FBXO8: variants seen among roughly 807,000 people sequenced by gnomAD.
The protein encoded by FBXO8 is F-box protein 8.
A neutral mutation model predicts 33.4 loss-of-function variants in FBXO8; 15 were observed. The ratio of observed to expected loss-of-function variants is 0.45; its 90% CI spans 0.30 to 0.69. The LOEUF is 0.69. FBXO8 is among the 30% of genes least tolerant of loss of function. The pLI, the probability that FBXO8 is intolerant of heterozygous loss-of-function variation, is 0.08. For synonymous variants in FBXO8, 132 were observed against 131.5 expected (o/e 1.00, Z -0.02); for missense variants, 274 against 380.3 (o/e 0.72, Z 2.32).
Position 174,252,737 on chromosome 4 carries a change from A to C in FBXO8, c.456+6962T>G, listed in dbSNP as rs1736323946. Among the ~76,000 whole-genome samples, 1 of 149,162 alleles carries C rather than the reference A, an allele frequency of 6.7e-6. No homozygotes were observed. The highest frequency in any genetic ancestry group is 1.5e-5 in the Non-Finnish European group (1 of 67,980). ...AAACCTAAAAAATAGGCTAGGTATG[A>C]TGACTCATTCCTGTAATTCCAGCAC... On this transcript the variant is annotated intron_variant, in intron 3 of 5. Transcript: ENST00000393674. The surrounding 1 kb of genome is among the most constrained non-coding windows in gnomAD (Gnocchi z 5.1).
In FBXO8 at chr4:174,265,729, G is replaced by A. The variant is rs114303553; in HGVS notation, c.-8-2629C>T. ...TGTCAACAAAAAATTATAAGTACAA[G>A]TTTTATATTTGTTTAAATGTACCAT... is the stretch of plus-strand genomic sequence containing the variant. On this transcript the variant is annotated intron_variant, in intron 1 of 5. Coordinates refer to ENST00000393674, the MANE Select transcript of FBXO8 (RefSeq NM_012180.3). This position sits in a 1 kb window ranked among gnomAD's most constrained non-coding sequence, Gnocchi z 4.7. Among the ~76,000 whole-genome samples the A allele has an allele frequency of 0.013, 1,978 of 152,164 alleles. 36 individuals carry two copies. The highest frequency in any genetic ancestry group is 0.044 in the African/African-American group (1,821 of 41,524).
Position 174,241,267 on chromosome 4 carries a change from G to T in FBXO8, c.457-49C>A, listed in dbSNP as rs1431600118. ...ATAAATAAAATTGCTCTTTATTTATGCATTTTAACAATTAAGCAATAGCAC... is the reference window on the plus strand; with the variant it reads ...ATAAATAAAATTGCTCTTTATTTATTCATTTTAACAATTAAGCAATAGCAC... On this transcript the variant is annotated intron_variant, in intron 3 of 5. Coordinates refer to ENST00000393674, the MANE Select transcript of FBXO8 (RefSeq NM_012180.3). The surrounding 1 kb of genome is among the most constrained non-coding windows in gnomAD (Gnocchi z 4.2). The T allele has an allele frequency of 2.6e-6, 3 of 1,134,926 alleles. No individual in the cohort carries two copies. Among genetic ancestry groups the T allele is most frequent in the Non-Finnish European group, 3.9e-6 (3 of 771,126 alleles). 70.3% of individuals were successfully genotyped at this position (1,134,926 alleles called of 1,614,324 possible). A position where few individuals can be genotyped will look rare whatever the true frequency, so the allele number is the denominator to read the frequency against.
rs1341189234 is a variant in FBXO8, at chr4:174,281,157, G to T, written c.-9+2253C>A. On this transcript the variant is annotated intron_variant, in intron 1 of 5. Transcript: ENST00000393674. The surrounding 1 kb of genome is among the most constrained non-coding windows in gnomAD (Gnocchi z 4.6). Reference sequence around the variant, plus strand: ...AAAGAAGAGATGATGGCGTGCGTGTGTGTGTATTTAACATCTGTCCTTTCC... The same window carrying T: ...AAAGAAGAGATGATGGCGTGCGTGTTTGTGTATTTAACATCTGTCCTTTCC... Among the ~76,000 whole-genome samples the T allele has an allele frequency of 1.3e-5, 2 of 152,180 alleles. No homozygotes were observed.
intron 2 of FBXO8, among the ~76,000 whole-genome samples, chr4:174,260,624 T>A (rs1157230368): frequency 2.0e-5 from 3 of 151,988 alleles, no homozygotes; most frequent in Admixed American, 6.6e-5. Flanking sequence ...AGTTCATATC[T>A]CAAAACACAC....
At chr4:174,268,489 G>A (rs1158633598) in intron 1 of FBXO8, among the ~76,000 whole-genome samples, 5 of 152,166 alleles carry the variant, frequency 3.3e-5, no homozygotes, top group African/African-American at 9.7e-5. Context: ...CTGGAGTGCA[G>A]TGGCGCGATC....
In FBXO8 at chr4:174,255,643, G is replaced by A. The variant is rs1380943927; in HGVS notation, c.456+4056C>T. Among the ~76,000 whole-genome samples the A allele has an allele frequency of 6.7e-6, 1 of 148,336 alleles. No individual in the cohort carries two copies. The highest frequency in any genetic ancestry group is 2.5e-5 in the African/African-American group (1 of 40,294). ...AATGAGGATATTTAAAACAAAAACT[G>A]TTTAAAAACACAATTACACAAACAA... is the stretch of plus-strand genomic sequence containing the variant. On this transcript the variant is annotated intron_variant, in intron 3 of 5. Coordinates refer to ENST00000393674, the MANE Select transcript of FBXO8 (RefSeq NM_012180.3). The surrounding 1 kb of genome is among the most constrained non-coding windows in gnomAD (Gnocchi z 4.3).
At position 174,265,987 on chromosome 4, in the gene FBXO8, T is replaced by C. The variant is rs1028085382; in HGVS notation, c.-8-2887A>G. Among the ~76,000 whole-genome samples, 2 of 152,212 alleles carry C rather than the reference T, an allele frequency of 1.3e-5. No individual in the cohort carries two copies. Among genetic ancestry groups the C allele is most frequent in the African/African-American group, 2.4e-5 (1 of 41,450 alleles). ...ACCACTAAAGGTAAATTATCAAACA[T>C]GGTAACTGCAGTATCTGAAGTCTCA... On this transcript the variant is annotated intron_variant, in intron 1 of 5. Transcript: ENST00000393674. The surrounding 1 kb of genome is among the most constrained non-coding windows in gnomAD (Gnocchi z 4.7).
In FBXO8 at chr4:174,261,260, T is replaced by C. The variant is rs1211868853; in HGVS notation, c.330-1435A>G. 6.6e-6 allele frequency among the ~76,000 whole-genome samples: 1 copy of C among 151,910 alleles called. No homozygotes were observed. Among genetic ancestry groups the C allele is most frequent in the Non-Finnish European group, 1.5e-5 (1 of 67,848 alleles). On this transcript the variant is annotated intron_variant, in intron 2 of 5. Transcript: ENST00000393674. This position sits in a 1 kb window ranked among gnomAD's most constrained non-coding sequence, Gnocchi z 4.1. ...CCAACATCAATGAGTATTCAATACA[T>C]CCAAAGTTGAAATTAAAACTAAGCC...
intron 1 of FBXO8, among the ~76,000 whole-genome samples, chr4:174,280,636 A>G (rs1737062231): frequency 6.6e-6 from 1 of 152,192 alleles, no homozygotes; most frequent in Non-Finnish European, 1.5e-5. Flanking sequence ...TGACACATAT[A>G]AGGGAATGTT....
rs992429826 is a variant in FBXO8, at chr4:174,272,468, G to A, written c.-8-9368C>T. ...TTTTTTCCAAATAGTTTCAATTGTGGTTGGATGACACTGGATGCAGATCCA... is the reference window on the plus strand; with the variant it reads ...TTTTTTCCAAATAGTTTCAATTGTGATTGGATGACACTGGATGCAGATCCA... On this transcript the variant is annotated intron_variant, in intron 1 of 5. Coordinates refer to ENST00000393674, the MANE Select transcript of FBXO8 (RefSeq NM_012180.3). This position sits in a 1 kb window ranked among gnomAD's most constrained non-coding sequence, Gnocchi z 4.7. Among the ~76,000 whole-genome samples the A allele has an allele frequency of 1.3e-4, 20 of 152,052 alleles. No individual in the cohort carries two copies. The highest frequency in any genetic ancestry group is 1.3e-3 in the Admixed American group (20 of 15,268).
chr4:174,239,554 A>G (rs1292083352), intron 4 of FBXO8, among the ~76,000 whole-genome samples: 1 of 151,966 alleles, frequency 6.6e-6, no homozygotes, highest in East Asian at 1.9e-4. Context: ...AAATTATGAA[A>G]GTAATGACAG....
chr4:174,243,773 T>C (rs1736098848), intron 3 of FBXO8, among the ~76,000 whole-genome samples: 1 of 151,192 alleles, frequency 6.6e-6, no homozygotes, highest in Non-Finnish European at 1.5e-5. Flanking sequence ...TGGACATCTG[T>C]GCAGTGTCTC....
rs1377543840 is a variant in FBXO8 at position 174,262,335 on chromosome 4, G to A, written c.329+429C>T. ...CTCTATATGAAGAAAATTAAAAACAGTAACATTTGAGGACTATTCATTGAT... is the reference window on the plus strand; with the variant it reads ...CTCTATATGAAGAAAATTAAAAACAATAACATTTGAGGACTATTCATTGAT... On this transcript the variant is annotated intron_variant, in intron 2 of 5. Transcript: ENST00000393674. The surrounding 1 kb of genome is among the most constrained non-coding windows in gnomAD (Gnocchi z 4.6). 6.6e-6 allele frequency among the ~76,000 whole-genome samples: 1 copy of A among 151,954 alleles called. No homozygotes were observed. Among genetic ancestry groups the A allele is most frequent in the Non-Finnish European group, 1.5e-5 (1 of 68,000 alleles).
chr4:174,254,011 A>G lies in FBXO8; in HGVS notation c.456+5688T>C, dbSNP rs1736359374. Among the ~76,000 whole-genome samples, 1 of 152,192 alleles carries G rather than the reference A, an allele frequency of 6.6e-6. No homozygotes were observed. The highest frequency in any genetic ancestry group is 2.4e-5 in the African/African-American group (1 of 41,454). On this transcript the variant is annotated intron_variant, in intron 3 of 5. Coordinates refer to ENST00000393674, the MANE Select transcript of FBXO8 (RefSeq NM_012180.3). The surrounding 1 kb of genome is among the most constrained non-coding windows in gnomAD (Gnocchi z 4.2). ...ATACCTGCATCCAGGACTCTTTTGA[A>G]GTAAACAAATGTAAAGGGTTTAAGT... is the stretch of plus-strand genomic sequence containing the variant.
intron 3 of FBXO8, among the ~76,000 whole-genome samples, chr4:174,258,513 T>C (rs1337163244): frequency 3.9e-5 from 6 of 152,124 alleles, no homozygotes; most frequent in Non-Finnish European, 8.8e-5. Context: ...CCTCTTTAAA[T>C]AGTGATGAAA....
In FBXO8 at chr4:174,237,394, T is replaced by G; in HGVS notation, c.*18A>C. ...CTTTAGTCTGAAGTAAAAACTGAAG[T>G]CCTAGCAATTGTGCTTTTTATGCAG... On this transcript the variant is annotated 3_prime_UTR_variant, in exon 6 of 6. Transcript: ENST00000393674. This position sits in a 1 kb window ranked among gnomAD's most constrained non-coding sequence, Gnocchi z 4.4. The G allele has an allele frequency of 6.2e-7, 1 of 1,601,796 alleles. No individual in the cohort carries two copies. The highest frequency in any genetic ancestry group is 8.5e-7 in the Non-Finnish European group (1 of 1,172,226).
rs1247379076 is a variant in FBXO8 at position 174,247,864 on chromosome 4, T to A, written c.457-6646A>T. The stretch of plus-strand genomic sequence containing the variant: ...TACTATTTCTTCTTTTCTACAGTGT[T>A]TGAAGAATTGCTAAGGTAAATGTAA... On this transcript the variant is annotated intron_variant, in intron 3 of 5. Transcript: ENST00000393674. This position sits in a 1 kb window ranked among gnomAD's most constrained non-coding sequence, Gnocchi z 4.6. Among the ~76,000 whole-genome samples the A allele has an allele frequency of 6.6e-6, 1 of 152,062 alleles. No individual in the cohort carries two copies. The highest frequency in any genetic ancestry group is 2.4e-5 in the African/African-American group (1 of 41,430).
rs539208023 is a variant in FBXO8 at position 174,281,765 on chromosome 4, T to G, written c.-9+1645A>C. 1.3e-5 allele frequency among the ~76,000 whole-genome samples: 2 copies of G among 152,242 alleles called. No individual in the cohort carries two copies. Among genetic ancestry groups the G allele is most frequent in the East Asian group, 3.9e-4 (2 of 5,182 alleles). On this transcript the variant is annotated intron_variant, in intron 1 of 5. Transcript: ENST00000393674. This position sits in a 1 kb window ranked among gnomAD's most constrained non-coding sequence, Gnocchi z 4.6. Reference sequence around the variant, plus strand: ...AAAATGTTTTAGTTTATTAGAGAGCTAAGTCAAGAAATTTGTCAGAAAAAC... The same window carrying G: ...AAAATGTTTTAGTTTATTAGAGAGCGAAGTCAAGAAATTTGTCAGAAAAAC...
chr4:174,242,245 C>CAA (rs1332527578), intron 3 of FBXO8, among the ~76,000 whole-genome samples: 1 of 151,480 alleles, frequency 6.6e-6, no homozygotes, highest in Non-Finnish European at 1.5e-5. Flanking sequence ...CTTCACTTTA[C>CAA]AAACACTTAC....
Sources: allele counts gnomAD v4.1 joint callset (sites outside exome capture counted in the v4.1 genomes callset), GRCh38; gene constraint gnomAD v4.1.1; non-coding constraint Gnocchi (gnomAD v3.1); transcripts MANE v1.5; gene names NCBI Gene and HGNC (gene_info 2026-07-23, HGNC 2026-07-21).